The following CEP128 variants were observed in gnomAD, a reference collection of about 807,000 sequenced individuals.
CEP128 encodes the protein centrosomal protein 128kDa.
Under a neutral mutation model 156.7 loss-of-function variants are expected in CEP128, and 132 were observed. The observed-to-expected ratio is 0.84, with a 90% CI of 0.73 to 0.97. The LOEUF is 0.97. Ranked by LOEUF, CEP128 falls within the 50% of genes least tolerant of loss-of-function variation. The probability of loss-of-function intolerance (pLI) is 0.00; values close to 1 mark genes in which losing one functional copy is unlikely to be tolerated. For synonymous variants in CEP128, 469 were observed against 448.9 expected (o/e 1.04, Z -0.57); for missense variants, 1,252 against 1,281.9 (o/e 0.98, Z 0.36).
chr14:80,825,529 C>T (rs576851737), intron 13 of CEP128, among the ~76,000 whole-genome samples: 71 of 152,216 alleles, frequency 4.7e-4, no homozygotes, highest in Admixed American at 7.8e-4. Context: ...AAATGACAAA[C>T]TAATGTATTA....
chr14:80,553,462 C>T (rs914459377), intron 21 of CEP128, among the ~76,000 whole-genome samples: 4 of 152,128 alleles, frequency 2.6e-5, no homozygotes, highest in East Asian at 1.9e-4. Context: ...TTCATATGTA[C>T]GTATTTCCGT....
chr14:80,751,553 A>C (rs1011886749), intron 18 of CEP128, among the ~76,000 whole-genome samples: 1 of 152,180 alleles, frequency 6.6e-6, no homozygotes, highest in Admixed American at 6.5e-5. Context: ...TACAGATTAC[A>C]TAATAGGATC....
intron 13 of CEP128, among the ~76,000 whole-genome samples, chr14:80,800,819 T>C (rs1490916200): frequency 6.6e-6 from 1 of 152,198 alleles, no homozygotes; most frequent in Non-Finnish European, 1.5e-5. Flanking sequence ...GGGGTGCATA[T>C]GAATGAGCAG....
chr14:80,903,263 A>G (rs1883686477), intron 6 of CEP128, among the ~76,000 whole-genome samples: 1 of 152,196 alleles, frequency 6.6e-6, no homozygotes, highest in Non-Finnish European at 1.5e-5. Context: ...GGGAAAGGAT[A>G]GTGTCCTCAA....
intron 13 of CEP128, among the ~76,000 whole-genome samples, chr14:80,811,677 ATG>A (rs71645384): frequency 0.42 from 60,772 of 146,210 alleles, 13,718 homozygotes; most frequent in East Asian, 0.65. Context: ...GTACAGACAT[ATG>A]TGTGTGTGTG....
chr14:80,823,797 C>A lies in CEP128; in HGVS notation c.1209+7346G>T, dbSNP rs138197868. Among the ~76,000 whole-genome samples the A allele has an allele frequency of 1.8e-4, 28 of 152,308 alleles. 1 individual carries two copies. The highest frequency in any genetic ancestry group is 6.7e-4 in the African/African-American group (28 of 41,564). On this transcript the variant is annotated intron_variant, in intron 13 of 24. Coordinates refer to ENST00000555265, the MANE Select transcript of CEP128 (RefSeq NM_152446.5). ...CTGAGGCTTTTCCAGGTACACAGTG[C>A]AAGCTGTTCATGGATCTACCATGCT... is the stretch of plus-strand genomic sequence containing the variant.
chr14:80,717,758 A>G (rs1195786138), intron 19 of CEP128, among the ~76,000 whole-genome samples: 1 of 152,108 alleles, frequency 6.6e-6, no homozygotes, highest in Admixed American at 6.6e-5. Flanking sequence ...CATTGATCTA[A>G]CTCAGTATGT....
chr14:80,715,714 A>T (rs923097052), intron 19 of CEP128, among the ~76,000 whole-genome samples: 2 of 152,214 alleles, frequency 1.3e-5, no homozygotes, highest in African/African-American at 4.8e-5. Flanking sequence ...TCTTCAAGCA[A>T]AAGTGTGCCT....
At chr14:80,551,760 C>A (rs1365957625) in intron 21 of CEP128, among the ~76,000 whole-genome samples, 3 of 152,110 alleles carry the variant, frequency 2.0e-5, no homozygotes, top group Non-Finnish European at 4.4e-5. Context: ...ATAAAAATGT[C>A]TTCACCTCCC....
intron 19 of CEP128, among the ~76,000 whole-genome samples, chr14:80,636,598 G>A (rs1894189235): frequency 1.3e-5 from 2 of 152,134 alleles, no homozygotes; most frequent in South Asian, 4.1e-4. Flanking sequence ...AATTAGAGAT[G>A]AACCCCTCAT....
chr14:80,744,409 A>G (rs144393984), intron 18 of CEP128, among the ~76,000 whole-genome samples: 140 of 152,272 alleles, frequency 9.2e-4, no homozygotes, highest in Non-Finnish European at 1.9e-3. Flanking sequence ...GGGGGCCATC[A>G]TAACAGTTCT....
In CEP128 at chr14:80,678,047, A is replaced by ATATATATATATATATATAT. The variant is rs1555390193; in HGVS notation, c.2806+65027_2806+65028insATATATATATATATATATA. Among the ~76,000 whole-genome samples, 33 of 68,526 alleles carry ATATATATATATATATATAT rather than the reference A, an allele frequency of 4.8e-4. No homozygotes were observed. The East Asian group carries it at 5.1e-3, about 11-fold the overall frequency. The allele number at this position is 68,526 out of a possible 152,430, so 45.0% of individuals were successfully genotyped here. On this transcript the variant is annotated intron_variant, in intron 19 of 24. Transcript: ENST00000555265. ...ACATGGACAGTTGCTCTATAAAAAA[A>ATATATATATATATATATAT]AAATATATATATATATGTATATATA...
At chr14:80,725,103 T>A (rs1287961013) in intron 19 of CEP128, among the ~76,000 whole-genome samples, 1 of 149,876 alleles carries the variant, frequency 6.7e-6, no homozygotes, top group African/African-American at 2.4e-5. Flanking sequence ...GGTGTCTTAT[T>A]TCTCAGTTTT....
intron 19 of CEP128, among the ~76,000 whole-genome samples, chr14:80,589,515 A>G (rs1891957199): frequency 6.6e-6 from 1 of 152,154 alleles, no homozygotes; most frequent in Non-Finnish European, 1.5e-5. Flanking sequence ...GAGGTCTTTC[A>G]TGGCAAAACT....
chr14:80,799,580 A>C (rs1467683389), intron 13 of CEP128, among the ~76,000 whole-genome samples: 1 of 152,092 alleles, frequency 6.6e-6, no homozygotes, highest in Non-Finnish European at 1.5e-5. Context: ...CAAGTAGGGA[A>C]GATATCGCTA....
At chr14:80,651,877 A>G (rs1418022184) in intron 19 of CEP128, among the ~76,000 whole-genome samples, 3 of 152,132 alleles carry the variant, frequency 2.0e-5, no homozygotes, top group Non-Finnish European at 2.9e-5. Context: ...GTGGTGCTGA[A>G]AAGAATGTAT....
intron 19 of CEP128, among the ~76,000 whole-genome samples, chr14:80,731,120 G>C (rs1158318771): frequency 2.6e-5 from 4 of 152,148 alleles, no homozygotes; most frequent in Non-Finnish European, 4.4e-5. Context: ...AAAAAAACTT[G>C]ATCTCTTTAA....
intron 19 of CEP128, among the ~76,000 whole-genome samples, chr14:80,676,214 T>G (rs1566849669): frequency 6.6e-6 from 1 of 152,116 alleles, no homozygotes; most frequent in Non-Finnish European, 1.5e-5. Flanking sequence ...TTTATTTACT[T>G]TATATTTAAA....
At chr14:80,949,582 C>A (rs2114705) in intron 2 of CEP128, among the ~76,000 whole-genome samples, 64,885 of 151,874 alleles carry the variant, frequency 0.43, 14,213 homozygotes, top group Middle Eastern at 0.53. Context: ...GGAACACTGG[C>A]TAGAGTAATC....
Sources: allele counts gnomAD v4.1 joint callset (sites outside exome capture counted in the v4.1 genomes callset), GRCh38; gene constraint gnomAD v4.1.1; transcripts MANE v1.5; gene names NCBI Gene and HGNC (gene_info 2026-07-23, HGNC 2026-07-21).